SEC24D: variants seen among roughly 807,000 people sequenced by gnomAD.
SEC24D encodes the protein SEC24 homolog D, COPII component, also known as protein transport protein Sec24D.
In SEC24D, 69 loss-of-function variants were observed where a neutral mutation model predicts 116.9. The ratio of observed to expected loss-of-function variants is 0.59; its 90% CI spans 0.49 to 0.72. The LOEUF (loss-of-function observed/expected upper bound fraction) is 0.72. Ranked by LOEUF, SEC24D falls within the 30% of genes least tolerant of loss-of-function variation. The probability of loss-of-function intolerance (pLI) is 0.00; values close to 1 mark genes in which losing one functional copy is unlikely to be tolerated. For missense variants in SEC24D, 1,131 were observed against 1,264.1 expected (o/e 0.89, Z 1.60); for synonymous variants, 405 against 442.8 (o/e 0.91, Z 1.07).
At chr4:118,792,255 G>GCCCCGTCCGGGAGGTGGGGGGCAGC in intron 8 of SEC24D, among the ~76,000 whole-genome samples, 1 of 150,338 alleles carries the variant, frequency 6.7e-6, no homozygotes, top group South Asian at 2.1e-4. Flanking sequence ...CCCGGCAGCC[G>GCCCCGTCCGGGAGGTGGGGGGCAGC]CCCCGTCCGG....
intron 15 of SEC24D, among the ~76,000 whole-genome samples, chr4:118,743,384 T>A (rs1288348157): frequency 1.3e-5 from 2 of 151,928 alleles, no homozygotes; most frequent in Non-Finnish European, 2.9e-5. Flanking sequence ...CACACAGTTG[T>A]CTCTCGTTAT....
At chr4:118,749,698 T>C (rs189003349) in intron 13 of SEC24D, among the ~76,000 whole-genome samples, 32 of 152,292 alleles carry the variant, frequency 2.1e-4, no homozygotes, top group African/African-American at 7.2e-4. Flanking sequence ...ACGAACATTA[T>C]GTTTTGTATT....
chr4:118,813,969 TA>T (rs1730027405), intron 6 of SEC24D, among the ~76,000 whole-genome samples: 1 of 152,094 alleles, frequency 6.6e-6, no homozygotes, highest in Admixed American at 6.5e-5. Context: ...GGGTCATGAG[TA>T]TTAATAAACA....
intron 12 of SEC24D, among the ~76,000 whole-genome samples, 155 bp from the exon 13 acceptor site, chr4:118,752,244 C>T (rs963780571): frequency 2.0e-5 from 3 of 152,310 alleles, no homozygotes; most frequent in Admixed American, 6.5e-5. Flanking sequence ...GATATCTTAG[C>T]GTGGCTTGGC....
chr4:118,731,450 G>A lies in SEC24D; in HGVS notation c.2734C>T (p.Arg912Cys), dbSNP rs150351420. The A allele has an allele frequency of 5.1e-4, 823 of 1,613,932 alleles. 1 individual carries two copies. Among genetic ancestry groups the A allele is most frequent in the South Asian group, 8.7e-4 (79 of 91,080 alleles). Residue 912 changes from arginine to cysteine, a missense_variant, in exon 21 of 23, where the codon CGT (arginine) becomes TGT (cysteine). Arg to Cys is a radical substitution (Grantham distance 180). Transcript: ENST00000280551. ...AAGAATATTCCTTCTTCTGAAAGAC[G>A]GGACTCAGAGCAACGAACGGCAGCA... Reference protein sequence around the residue: ...LPAAVRCSESRLSEEGIFLLA... With the variant: ...LPAAVRCSESCLSEEGIFLLA...
Position 118,745,076 on chromosome 4 carries a change from AAC to A in SEC24D, c.1708-18_1708-17del. On this transcript the variant is annotated splice_polypyrimidine_tract_variant and intron_variant, in intron 13 of 22. Coordinates refer to ENST00000280551, the MANE Select transcript of SEC24D (RefSeq NM_014822.4). ...AGTCTGCTGCCTAAAAAAAAAAAAA[AAC>A]CCAAAAACCCACAGAAAATGCCGTG... The A allele has an allele frequency of 1.4e-6, 2 of 1,399,920 alleles. No homozygotes were observed. The highest frequency in any genetic ancestry group is 2.0e-6 in the Non-Finnish European group (2 of 1,011,084). 86.7% of individuals were successfully genotyped at this position (1,399,920 alleles called of 1,614,324 possible). A position where few individuals can be genotyped will look rare whatever the true frequency, so the allele number is the denominator to read the frequency against.
At chr4:118,807,213 C>T (rs756579545) in intron 6 of SEC24D, among the ~76,000 whole-genome samples, 4 of 152,100 alleles carry the variant, frequency 2.6e-5, no homozygotes, top group East Asian at 1.9e-4. Context: ...GGTTTTTGCC[C>T]GCTGCAGAGA....
intron 7 of SEC24D, among the ~76,000 whole-genome samples, chr4:118,801,349 T>C (rs984041830): frequency 3.9e-5 from 6 of 152,052 alleles, no homozygotes; most frequent in African/African-American, 1.4e-4. Flanking sequence ...CAAAGTTAGA[T>C]AGCTTCTAGG....
At chr4:118,784,810 A>C (rs1728597782) in intron 8 of SEC24D, among the ~76,000 whole-genome samples, 1 of 144,284 alleles carries the variant, frequency 6.9e-6, no homozygotes, top group African/African-American at 2.6e-5. Context: ...CTGTGAGATG[A>C]TATTGAGAGA....
intron 14 of SEC24D, 99 bp downstream of exon 14, chr4:118,744,845 A>C (rs1578391754): frequency 1.5e-6 from 1 of 681,172 alleles, no homozygotes; most frequent in Admixed American, 2.4e-5. Context: ...TTAATTTATG[A>C]GATTTAGTTT....
At chr4:118,738,080 T>A (rs745643018) in intron 19 of SEC24D, 181 bp downstream of exon 19, 6 of 517,816 alleles carry the variant, frequency 1.2e-5, no homozygotes, top group Non-Finnish European at 2.1e-5. Flanking sequence ...CATTTTTAAA[T>A]GTTGGCTATA....
chr4:118,782,030 G>A (rs566425877), intron 8 of SEC24D, among the ~76,000 whole-genome samples: 2 of 152,190 alleles, frequency 1.3e-5, no homozygotes, highest in African/African-American at 4.8e-5. Flanking sequence ...GGGTTTGATC[G>A]TCTTCCTTTA....
intron 5 of SEC24D, 23 bp from the exon 6 acceptor site, chr4:118,815,178 GAAATGACTATCATCCC>G (rs1233228361): frequency 6.2e-7 from 1 of 1,613,432 alleles, no homozygotes; most frequent in South Asian, 1.1e-5. Context: ...AATTTAAAGA[GAAATGACTATCATCCC>G]AAATCCAGCA....
At chr4:118,723,789 G>A (rs1209756864) in intron 22 of SEC24D, 134 bp from the exon 23 acceptor site, 12 of 947,434 alleles carry the variant, frequency 1.3e-5, no homozygotes, top group Non-Finnish European at 1.9e-5. Flanking sequence ...AGGATGATGG[G>A]AAAGTGCCTG....
intron 8 of SEC24D, among the ~76,000 whole-genome samples, chr4:118,781,615 C>T (rs1401254862): frequency 6.6e-6 from 1 of 152,076 alleles, no homozygotes; most frequent in East Asian, 1.9e-4. Context: ...TCTGTATTTC[C>T]TGAATTTGAA....
intron 20 of SEC24D, 105 bp from the exon 21 acceptor site, chr4:118,731,612 G>A: frequency 2.4e-6 from 2 of 838,490 alleles, no homozygotes; most frequent in Non-Finnish European, 2.0e-6. Context: ...TCAATGCATA[G>A]TGAGTACCTA....
In SEC24D at chr4:118,723,613, G is replaced by A. The variant is rs758347436; in HGVS notation, c.3001C>T (p.Arg1001Ter). 3 of 1,613,524 alleles carry A rather than the reference G, an allele frequency of 1.9e-6. No homozygotes were observed. Among genetic ancestry groups the A allele is most frequent in the Admixed American group, 1.7e-5 (1 of 59,976 alleles). The part of the protein sequence containing the change: ...KQREQPEMVF[R>*]QFLVEDKGLY... Reference sequence around the variant, plus strand: ...CCTTTGTCTTCTACCAGGAACTGTCGGAAAACCATTTCTGGTTGTTCTCGC... The same window carrying A: ...CCTTTGTCTTCTACCAGGAACTGTCAGAAAACCATTTCTGGTTGTTCTCGC... The change falls in exon 23 of 23, where the codon CGA (arginine) becomes TGA (stop). Residue 1001 changes from arginine to a stop codon, truncating the protein, a stop_gained. Transcript: ENST00000280551. LOFTEE classifies it high-confidence loss of function.
intron 2 of SEC24D, among the ~76,000 whole-genome samples, chr4:118,825,891 A>T (rs1286687289): frequency 6.6e-6 from 1 of 152,110 alleles, no homozygotes; most frequent in Non-Finnish European, 1.5e-5. Context: ...TCCTCCAGAA[A>T]GTTTATTCTC....
chr4:118,829,285 G>A (rs780245828), intron 2 of SEC24D, among the ~76,000 whole-genome samples: 15 of 152,188 alleles, frequency 9.9e-5, no homozygotes, highest in Non-Finnish European at 1.5e-4. Context: ...GGCCAAGGCA[G>A]GAGGATGGCT....
Sources: allele counts gnomAD v4.1 joint callset (sites outside exome capture counted in the v4.1 genomes callset), GRCh38; gene constraint gnomAD v4.1.1; transcripts MANE v1.5; gene names NCBI Gene and HGNC (gene_info 2026-07-23, HGNC 2026-07-21).